Variants in ZMPSTE24 observed in about 807,000 individuals in gnomAD.
ZMPSTE24 encodes the protein CAAX prenyl protease 1 homolog.
ZMPSTE24 carries 48 observed loss-of-function variants against 56.7 expected under a neutral mutation model. The observed-to-expected ratio is 0.85, with a 90% CI of 0.67 to 1.08. ZMPSTE24 has a LOEUF of 1.08. Among genes scored for constraint, ZMPSTE24 ranks in the 50% least tolerant of loss-of-function variants. The probability of loss-of-function intolerance (pLI) is 0.00; values close to 1 mark genes in which losing one functional copy is unlikely to be tolerated. For missense variants in ZMPSTE24, 503 were observed against 548.7 expected, an observed-to-expected ratio of 0.92 and a Z score of 0.83; for synonymous variants, 172 against 195.2, an observed-to-expected ratio of 0.88 and a Z score of 0.99.
At chr1:40,289,954 A>G (rs1375075414) in intron 8 of ZMPSTE24, among the ~76,000 whole-genome samples, 1 of 152,200 alleles carries the variant, frequency 6.6e-6, no homozygotes, top group East Asian at 1.9e-4. Flanking sequence ...CCTTTTACAG[A>G]GAGAAAATAT....
rs1329945289 is a variant in ZMPSTE24 at position 40,293,626 on chromosome 1, C to T, written c.*957C>T. On this transcript the variant is annotated 3_prime_UTR_variant, in exon 10 of 10. Transcript: ENST00000372759. Reference sequence around the variant, plus strand: ...AAAAAATATAGTTTTCTATCTCTTTCAAGGGCAGAAGAGTTTTCATTTTTA... The same window carrying T: ...AAAAAATATAGTTTTCTATCTCTTTTAAGGGCAGAAGAGTTTTCATTTTTA... 1.2e-4 allele frequency: 19 copies of T among 152,152 alleles called. No individual in the cohort carries two copies. Among genetic ancestry groups the T allele is most frequent in the Admixed American group, 1.2e-3 (19 of 15,266 alleles). 9.4% of individuals were successfully genotyped at this position (152,152 alleles called of 1,614,324 possible). A position where few individuals can be genotyped will look rare whatever the true frequency, so the allele number is the denominator to read the frequency against.
rs755419509 is a variant in ZMPSTE24, at chr1:40,260,890, A to G, written c.175A>G (p.Met59Val). The G allele has an allele frequency of 5.9e-5, 96 of 1,613,922 alleles. No individual in the cohort carries two copies. Among genetic ancestry groups the G allele is most frequent in the Non-Finnish European group, 8.1e-5 (96 of 1,179,880 alleles). Residue 59 changes from methionine to valine, a missense_variant, in exon 2 of 10, where the codon ATG becomes GTG. Met to Val is a conservative substitution (Grantham distance 21). Coordinates refer to ENST00000372759, the MANE Select transcript of ZMPSTE24 (RefSeq NM_005857.5). Reference sequence around the variant, plus strand: ...TGTACCACCGGAGTTAGGACAGATCATGGATTCTGAAACATTTGAGAAATC... The same window carrying G: ...TGTACCACCGGAGTTAGGACAGATCGTGGATTCTGAAACATTTGAGAAATC... ...THVPPELGQI[M>V]DSETFEKSRL...
At chr1:40,267,999 AC>A in intron 3 of ZMPSTE24, 127 bp downstream of exon 3, 1 of 801,754 alleles carries the variant, frequency 1.2e-6, no homozygotes, top group Non-Finnish European at 2.2e-6. Flanking sequence ...GTCCTTGGTT[AC>A]CCATGCTGTA....
intron 8 of ZMPSTE24, among the ~76,000 whole-genome samples, chr1:40,287,330 A>G (rs1162187070): frequency 6.6e-6 from 1 of 152,054 alleles, no homozygotes; most frequent in South Asian, 2.1e-4. Context: ...TGGCCTCCCA[A>G]AGTGCTGGGA....
chr1:40,286,612 G>T (rs550437853), intron 8 of ZMPSTE24, among the ~76,000 whole-genome samples: 1 of 151,694 alleles, frequency 6.6e-6, no homozygotes, highest in East Asian at 1.9e-4. Context: ...GTAGACACAG[G>T]GTATCACCAT....
chr1:40,267,262 G>A (rs1643558969), intron 2 of ZMPSTE24, among the ~76,000 whole-genome samples: 1 of 152,002 alleles, frequency 6.6e-6, no homozygotes, highest in Non-Finnish European at 1.5e-5. Context: ...TCAATGGTTA[G>A]TACTCATCTA....
At chr1:40,269,918 A>G in intron 4 of ZMPSTE24, 57 bp from the exon 5 acceptor site, 2 of 1,564,774 alleles carry the variant, frequency 1.3e-6, no homozygotes, top group Non-Finnish European at 1.7e-6. Flanking sequence ...TTTATCAGTT[A>G]TTTTAAAAAG....
At position 40,281,403 on chromosome 1, in the gene ZMPSTE24, T is replaced by C. The variant is rs1569650832; in HGVS notation, c.830T>C (p.Ile277Thr). The C allele has an allele frequency of 6.2e-7, 1 of 1,614,158 alleles. No homozygotes were observed. The highest frequency in any genetic ancestry group is 1.3e-5 in the African/African-American group (1 of 75,056). ...TATGGCTTCTTCAAGAACAAGCGAA[T>C]AGTTTTGTTTGACACTCTACTAGAA... ...YFYGFFKNKR[I>T]VLFDTLLEEY... The change falls in exon 7 of 10, where the codon ATA becomes ACA. Residue 277 changes from isoleucine (I) to threonine (T), a missense_variant. Transcript: ENST00000372759.
chr1:40,271,782 G>GT, intron 5 of ZMPSTE24, 112 bp from the exon 6 acceptor site: 1 of 1,228,824 alleles, frequency 8.1e-7, no homozygotes, highest in Non-Finnish European at 1.1e-6. Flanking sequence ...TAAGTTCCTT[G>GT]TTCTCAAGTT....
chr1:40,283,498 C>T (rs2124591586), intron 7 of ZMPSTE24, among the ~76,000 whole-genome samples: 1 of 150,846 alleles, frequency 6.6e-6, no homozygotes, highest in South Asian at 2.1e-4. Flanking sequence ...AAGTGAGACC[C>T]TGTCTTAAAA....
chr1:40,278,507 G>A (rs1311597792), intron 6 of ZMPSTE24, among the ~76,000 whole-genome samples: 2 of 120,604 alleles, frequency 1.7e-5, no homozygotes, highest in East Asian at 2.8e-4. Flanking sequence ...GCAGTGAGCC[G>A]AGATCGCGCC....
chr1:40,266,246 A>T (rs1039858876), intron 2 of ZMPSTE24, among the ~76,000 whole-genome samples: 1 of 152,192 alleles, frequency 6.6e-6, no homozygotes, highest in African/African-American at 2.4e-5. Flanking sequence ...CCCTCAAACC[A>T]TGAGGAACTA....
rs375335394 is a variant in ZMPSTE24 at position 40,281,441 on chromosome 1, C to T, written c.868C>T (p.Leu290=). The change falls in exon 7 of 10, where the codon CTA becomes TTA. Residue 290 remains leucine (L), a synonymous_variant. Transcript: ENST00000372759. ...CACTCTACTAGAAGAGTACTCTGTACTAAACAAAGACATCCAGGAGGATTC... is the reference window on the plus strand; with the variant it reads ...CACTCTACTAGAAGAGTACTCTGTATTAAACAAAGACATCCAGGAGGATTC... The part of the protein sequence containing the change: ...FDTLLEEYSV[L]NKDIQEDSGM... 1.2e-6 allele frequency: 2 copies of T among 1,614,026 alleles called. No individual in the cohort carries two copies.
chr1:40,275,401 T>C (rs2124585714), intron 6 of ZMPSTE24, among the ~76,000 whole-genome samples: 1 of 150,824 alleles, frequency 6.6e-6, no homozygotes, highest in East Asian at 2.0e-4. Flanking sequence ...GCCACTGCAC[T>C]CCAGCCTGGG....
At position 40,287,074 on chromosome 1, in the gene ZMPSTE24, T is replaced by TTTTC. The variant is rs1290578123; in HGVS notation, c.1059+1048_1059+1049insCTTT. Among the ~76,000 whole-genome samples the TTTTC allele has an allele frequency of 3.7e-4, 54 of 144,298 alleles. No homozygotes were observed. In the East Asian group the frequency reaches 7.9e-3, roughly 21 times the overall value. 94.7% of individuals were successfully genotyped at this position (144,298 alleles called of 152,430 possible). On this transcript the variant is annotated intron_variant, in intron 8 of 9. Transcript: ENST00000372759. ...AAAACATTTTTTTCTTTTTCTTTTC[T>TTTTC]TTTTTTTTTTGAAATGGGGTCTCTC...
intron 2 of ZMPSTE24, among the ~76,000 whole-genome samples, chr1:40,266,356 C>T (rs1643547996): frequency 6.6e-6 from 1 of 152,130 alleles, no homozygotes; most frequent in African/African-American, 2.4e-5. Flanking sequence ...TAAATTGATT[C>T]CTCTTGACAA....
At chr1:40,286,063 A>G (rs539571690) in intron 8 of ZMPSTE24, 34 bp downstream of exon 8, 1 of 1,563,254 alleles carries the variant, frequency 6.4e-7, no homozygotes, top group Admixed American at 1.7e-5. Flanking sequence ...TTTTTATGGC[A>G]TGATAGTCAA....
At chr1:40,263,367 T>G (rs2124577331) in intron 2 of ZMPSTE24, among the ~76,000 whole-genome samples, 1 of 152,364 alleles carries the variant, frequency 6.6e-6, no homozygotes, top group South Asian at 2.1e-4. Flanking sequence ...AGGATAGGCA[T>G]TATTATTCCC....
intron 7 of ZMPSTE24, among the ~76,000 whole-genome samples, chr1:40,284,299 C>A (rs984921081): frequency 3.3e-5 from 5 of 151,744 alleles, no homozygotes; most frequent in Admixed American, 6.6e-5. Flanking sequence ...TTCCAATTTA[C>A]AGCATTTCGT....
Sources: allele counts gnomAD v4.1 joint callset (sites outside exome capture counted in the v4.1 genomes callset), GRCh38; gene constraint gnomAD v4.1.1; transcripts MANE v1.5; gene names NCBI Gene and HGNC (gene_info 2026-07-23, HGNC 2026-07-21).